The following CHST9 variants were observed in gnomAD, a reference collection of about 807,000 sequenced individuals.
The protein encoded by CHST9 is GalNAc-4-sulfotransferase 2.
CHST9 carries 41 observed loss-of-function variants against 44.4 expected under a neutral mutation model. That is an observed-to-expected ratio of 0.92 (90% CI 0.72 to 1.20). The LOEUF is 1.20. Among genes scored for constraint, CHST9 ranks in the 50% most tolerant of loss-of-function variants. CHST9 has a pLI of 0.00. For missense variants in CHST9, 504 were observed against 516.5 expected, an observed-to-expected ratio of 0.98 and a Z score of 0.23; for synonymous variants, 171 against 178.4, an observed-to-expected ratio of 0.96 and a Z score of 0.33.
intron 5 of CHST9, among the ~76,000 whole-genome samples, chr18:26,920,990 C>T (rs980012099): frequency 1.3e-5 from 2 of 151,994 alleles, no homozygotes; most frequent in Admixed American, 6.6e-5. Flanking sequence ...AGTGTAAGGC[C>T]CCTGACTTTA....
intron 1 of CHST9, among the ~76,000 whole-genome samples, chr18:27,176,890 A>G (rs918127265): frequency 6.6e-6 from 1 of 152,084 alleles, no homozygotes; most frequent in South Asian, 2.1e-4. Flanking sequence ...TGAAAAAATG[A>G]CTTTGCTAGA....
At chr18:26,923,037 CAA>C (rs1182269085) in intron 5 of CHST9, among the ~76,000 whole-genome samples, 1 of 152,190 alleles carries the variant, frequency 6.6e-6, no homozygotes, top group East Asian at 1.9e-4. Flanking sequence ...TTCTCCCCGT[CAA>C]AGTTGTTGAG....
rs2055553241 is a variant in CHST9, at chr18:26,917,297, T to C, written c.294A>G (p.Leu98=). The part of the protein sequence containing the change: ...EDVREKKENL[L]LNSERSTRLL... Reference sequence around the variant, plus strand: ...GCCTAGTAGATCTCTCAGAATTGAGTAGAAGATTTTCCTTTTTTTCTCGTA... The same window carrying C: ...GCCTAGTAGATCTCTCAGAATTGAGCAGAAGATTTTCCTTTTTTTCTCGTA... The change falls in exon 6 of 6, where the codon CTA becomes CTG. Residue 98 remains leucine, a synonymous_variant. Transcript: ENST00000618847. 6.2e-7 allele frequency: 1 copy of C among 1,612,940 alleles called. No individual in the cohort carries two copies.
intron 1 of CHST9, among the ~76,000 whole-genome samples, chr18:27,183,228 C>T (rs2058927776): frequency 6.6e-6 from 1 of 152,140 alleles, no homozygotes; most frequent in Non-Finnish European, 1.5e-5. Context: ...AGAAGCAGAG[C>T]TTATGGTGTA....
At chr18:26,926,385 G>A (rs1240700274) in intron 5 of CHST9, among the ~76,000 whole-genome samples, 1 of 152,098 alleles carries the variant, frequency 6.6e-6, no homozygotes, top group Non-Finnish European at 1.5e-5. Flanking sequence ...AACATAATGT[G>A]AATGTCAAGG....
chr18:26,975,763 A>T (rs909945397), intron 4 of CHST9, among the ~76,000 whole-genome samples: 2 of 105,376 alleles, frequency 1.9e-5, no homozygotes, highest in African/African-American at 3.6e-5. Flanking sequence ...ATATATATAT[A>T]TAACATTTTC....
intron 2 of CHST9, among the ~76,000 whole-genome samples, chr18:27,075,678 C>T (rs1005694928): frequency 1.3e-4 from 19 of 149,832 alleles, no homozygotes; most frequent in African/African-American, 4.7e-4. Context: ...AATGAAGTAT[C>T]TCTTCCACAC....
At chr18:26,917,402 A>G in intron 5 of CHST9, 52 bp from the exon 6 acceptor site, 1 of 1,552,382 alleles carries the variant, frequency 6.4e-7, no homozygotes, top group South Asian at 1.2e-5. Flanking sequence ...GAGTGTGGGT[A>G]TACTGGATAA....
chr18:27,055,332 A>C (rs2057642267), intron 2 of CHST9, among the ~76,000 whole-genome samples: 1 of 152,184 alleles, frequency 6.6e-6, no homozygotes, highest in Non-Finnish European at 1.5e-5. Flanking sequence ...AAGGAAAAAA[A>C]ACTCGCAATA....
intron 5 of CHST9, among the ~76,000 whole-genome samples, chr18:26,925,343 A>G (rs1215952391): frequency 6.6e-6 from 1 of 152,174 alleles, no homozygotes; most frequent in Non-Finnish European, 1.5e-5. Flanking sequence ...CACTGCATCA[A>G]ACAGAAGAGT....
At chr18:27,162,773 C>T (rs928551940) in intron 1 of CHST9, among the ~76,000 whole-genome samples, 3 of 152,148 alleles carry the variant, frequency 2.0e-5, no homozygotes, top group Non-Finnish European at 2.9e-5. Flanking sequence ...TCCTTTAGCT[C>T]GGAGTAGTTT....
intron 2 of CHST9, among the ~76,000 whole-genome samples, chr18:27,084,259 T>C (rs1431539875): frequency 6.6e-6 from 1 of 152,076 alleles, no homozygotes; most frequent in African/African-American, 2.4e-5. Context: ...AATTTGGCTA[T>C]GAATCCACCT....
chr18:27,028,886 T>C (rs1398732637), intron 3 of CHST9, among the ~76,000 whole-genome samples: 1 of 152,238 alleles, frequency 6.6e-6, no homozygotes, highest in African/African-American at 2.4e-5. Context: ...ACTTTAACTA[T>C]GTATGCATTT....
chr18:27,177,726 A>G (rs182155973), intron 1 of CHST9, among the ~76,000 whole-genome samples: 107 of 152,088 alleles, frequency 7.0e-4, no homozygotes, highest in Non-Finnish European at 1.2e-3. Flanking sequence ...AAAAGGAGGC[A>G]CTCTGAACAA....
intron 2 of CHST9, among the ~76,000 whole-genome samples, chr18:27,053,560 C>A (rs2057614503): frequency 6.6e-6 from 1 of 152,064 alleles, no homozygotes; most frequent in Non-Finnish European, 1.5e-5. Flanking sequence ...TATATCTGTT[C>A]CTGGGGTTAT....
chr18:27,070,746 GT>G (rs1162754995), intron 2 of CHST9, among the ~76,000 whole-genome samples: 1 of 152,138 alleles, frequency 6.6e-6, no homozygotes, highest in African/African-American at 2.4e-5. Flanking sequence ...GCTTTTTGTT[GT>G]CCTTGCTTTT....
chr18:27,041,120 T>C (rs973257322), intron 3 of CHST9, among the ~76,000 whole-genome samples: 3 of 152,160 alleles, frequency 2.0e-5, no homozygotes, highest in Admixed American at 6.6e-5. Flanking sequence ...TAGTTGATCA[T>C]TCAACACATA....
intron 4 of CHST9, among the ~76,000 whole-genome samples, chr18:26,957,612 C>A (rs915815901): frequency 6.7e-6 from 1 of 149,066 alleles, no homozygotes; most frequent in Admixed American, 6.7e-5. Flanking sequence ...ACTTTAATAA[C>A]GACAATAGCA....
At chr18:26,951,098 G>A (rs775884012) in intron 4 of CHST9, among the ~76,000 whole-genome samples, 7 of 152,154 alleles carry the variant, frequency 4.6e-5, no homozygotes, top group Middle Eastern at 3.2e-3. Flanking sequence ...GGCAGGTTGC[G>A]CACACTGTTG....
Sources: allele counts gnomAD v4.1 joint callset (sites outside exome capture counted in the v4.1 genomes callset), GRCh38; gene constraint gnomAD v4.1.1; transcripts MANE v1.5; gene names NCBI Gene and HGNC (gene_info 2026-07-23, HGNC 2026-07-21).